The following SMARCB1 variants were observed in gnomAD, a reference collection of about 807,000 sequenced individuals.
The protein encoded by SMARCB1 is SWI/SNF related BAF chromatin remodeling complex subunit B1, also known as SWI/SNF-related matrix-associated actin-dependent regulator of chromatin subfamily B member 1.
SMARCB1 carries 5 observed loss-of-function variants against 49.0 expected under a neutral mutation model. That is an observed-to-expected ratio of 0.10 (90% CI 0.05 to 0.21). SMARCB1 has a LOEUF of 0.21. SMARCB1 is among the 10% of genes least tolerant of loss of function. The pLI is 1.00. For synonymous variants in SMARCB1, 201 were observed against 200.1 expected, an observed-to-expected ratio of 1.00 and a Z score of -0.04; for missense variants, 226 against 509.2, an observed-to-expected ratio of 0.44 and a Z score of 5.35.
chr22:23,824,532 A>AGATCTC, intron 6 of SMARCB1: 25 of 153,954 alleles, frequency 1.6e-4, no homozygotes, highest in Admixed American at 5.8e-4. Flanking sequence ...GGGCAGGTGT[A>AGATCTC]GGTGGGAGCC....
In SMARCB1 at chr22:23,791,699, C is replaced by T. The variant is rs1928388200; in HGVS notation, c.94-57C>T. ...GCTTGATGCAGTCTGCGCCAGGACC[C>T]TCCCCTTCCCTGTGGTGCTGCGACC... is the stretch of plus-strand genomic sequence containing the variant. On this transcript the variant is annotated intron_variant, in intron 1 of 8. Coordinates refer to ENST00000644036, the MANE Select transcript of SMARCB1 (RefSeq NM_003073.5). The T allele has an allele frequency of 1.9e-6, 3 of 1,581,180 alleles. No homozygotes were observed. The South Asian group carries it at 3.3e-5, about 18-fold the overall frequency.
chr22:23,830,089 GC>G (rs2030576679), intron 7 of SMARCB1, among the ~76,000 whole-genome samples: 1 of 152,126 alleles, frequency 6.6e-6, no homozygotes, highest in Non-Finnish European at 1.5e-5. Context: ...CCATTTTTCA[GC>G]TATTGTGAGT....
intron 6 of SMARCB1, among the ~76,000 whole-genome samples, chr22:23,819,969 A>G (rs2029993132): frequency 6.6e-6 from 1 of 152,042 alleles, no homozygotes; most frequent in Admixed American, 6.6e-5. Context: ...AGCTGGGACT[A>G]CAGGCGCATG....
chr22:23,806,527 A>G (rs1046960644), intron 5 of SMARCB1, among the ~76,000 whole-genome samples: 14 of 152,240 alleles, frequency 9.2e-5, no homozygotes, highest in African/African-American at 3.1e-4. Context: ...ATTTCAGATC[A>G]TCTTAAAGGT....
intron 3 of SMARCB1, among the ~76,000 whole-genome samples, chr22:23,798,358 G>A (rs1928906560): frequency 6.6e-6 from 1 of 152,050 alleles, no homozygotes; most frequent in South Asian, 2.1e-4. Context: ...GAGCCCAGGA[G>A]TTTGAGACCA....
intron 5 of SMARCB1, 89 bp downstream of exon 5, chr22:23,803,511 G>A: frequency 6.7e-7 from 1 of 1,491,032 alleles, no homozygotes; most frequent in Non-Finnish European, 9.3e-7. Context: ...TGCCTGTCAG[G>A]CAGATTCTGG....
intron 7 of SMARCB1, among the ~76,000 whole-genome samples, chr22:23,828,585 C>T (rs1396986446): frequency 3.9e-5 from 6 of 152,070 alleles, no homozygotes; most frequent in African/African-American, 7.2e-5. Flanking sequence ...ACCCGTGAGG[C>T]GGAGATTGCA....
At chr22:23,794,336 T>G (rs1928608811) in intron 3 of SMARCB1, among the ~76,000 whole-genome samples, 1 of 152,246 alleles carries the variant, frequency 6.6e-6, no homozygotes. Context: ...CATTGGAATT[T>G]CTAAGAAACG....
chr22:23,789,273 A>C (rs1028911582), intron 1 of SMARCB1, among the ~76,000 whole-genome samples: 5 of 152,246 alleles, frequency 3.3e-5, no homozygotes, highest in African/African-American at 1.2e-4. Flanking sequence ...CATCTGCCAC[A>C]GTTCAGAATG....
chr22:23,834,067 G>T (rs2030826891), intron 8 of SMARCB1, 74 bp from the exon 9 acceptor site: 1 of 1,498,012 alleles, frequency 6.7e-7, no homozygotes, highest in East Asian at 2.5e-5. Flanking sequence ...TGGCTGCCCT[G>T]TAGAGCCTTG....
intron 6 of SMARCB1, chr22:23,818,575 A>G (rs947884665): frequency 3.9e-5 from 6 of 152,148 alleles, no homozygotes; most frequent in African/African-American, 1.4e-4. Flanking sequence ...TGGCTGTGTA[A>G]TTATCACCAC....
chr22:23,814,538 G>T (rs1353486374), intron 5 of SMARCB1, among the ~76,000 whole-genome samples: 5 of 152,048 alleles, frequency 3.3e-5, no homozygotes, highest in African/African-American at 1.2e-4. Context: ...GGTGGCGCAT[G>T]CCTGTAACCC....
chr22:23,794,241 C>T (rs1018909397), intron 3 of SMARCB1, among the ~76,000 whole-genome samples: 8 of 152,224 alleles, frequency 5.3e-5, no homozygotes, highest in Admixed American at 5.2e-4. Context: ...CGCGCCCGGT[C>T]CTGATTTTTG....
In SMARCB1 at chr22:23,834,672, G is replaced by T; in HGVS notation, c.*492G>T. ...GATTCCCAAGTGGGCAGGTGGGGGTGAATGGGGCTCCGGGTAGCACCTCAG... is the reference window on the plus strand; with the variant it reads ...GATTCCCAAGTGGGCAGGTGGGGGTTAATGGGGCTCCGGGTAGCACCTCAG... On this transcript the variant is annotated 3_prime_UTR_variant, in exon 9 of 9. Transcript: ENST00000644036. The T allele has an allele frequency of 9.0e-7, 1 of 1,111,232 alleles. No homozygotes were observed. Among genetic ancestry groups the T allele is most frequent in the Non-Finnish European group, 1.3e-6 (1 of 787,978 alleles). The allele number at this position is 1,111,232 out of a possible 1,614,324, so 68.8% of individuals were successfully genotyped here. A position where few individuals can be genotyped will look rare whatever the true frequency, so the allele number is the denominator to read the frequency against.
chr22:23,832,977 C>G (rs2030736201), intron 7 of SMARCB1, among the ~76,000 whole-genome samples: 1 of 152,122 alleles, frequency 6.6e-6, no homozygotes, highest in African/African-American at 2.4e-5. Context: ...TGCCAGACAG[C>G]TGTCTGATCC....
At chr22:23,787,353 A>G (rs1329721197) in intron 1 of SMARCB1, 91 bp downstream of exon 1, 2 of 673,662 alleles carry the variant, frequency 3.0e-6, no homozygotes, top group South Asian at 2.0e-5. Flanking sequence ...GTCTCCATTC[A>G]TCGGGGCGGG....
chr22:23,831,323 C>T (rs866146812), intron 7 of SMARCB1, among the ~76,000 whole-genome samples: 2 of 152,242 alleles, frequency 1.3e-5, no homozygotes, highest in Non-Finnish European at 2.9e-5. Flanking sequence ...AGATACTCGA[C>T]CGGCATCAGT....
intron 5 of SMARCB1, among the ~76,000 whole-genome samples, chr22:23,810,840 G>A (rs1488945922): frequency 6.6e-6 from 1 of 152,094 alleles, no homozygotes; most frequent in African/African-American, 2.4e-5. Flanking sequence ...GACCAGCCTG[G>A]CTAACATGGC....
chr22:23,819,197 C>T (rs2029941489), intron 6 of SMARCB1, among the ~76,000 whole-genome samples: 1 of 152,290 alleles, frequency 6.6e-6, no homozygotes, highest in Admixed American at 6.5e-5. Context: ...ATGGATCTAT[C>T]ACATTTTTAT....
Sources: gnomAD v4.1 joint callset for allele counts (sites outside exome capture counted in the v4.1 genomes callset) on GRCh38, gnomAD v4.1.1 for gene constraint, MANE v1.5 for transcripts, NCBI Gene and HGNC (gene_info 2026-07-23, HGNC 2026-07-21) for gene names.